The following NR3C2 variants were observed in gnomAD, a reference collection of about 807,000 sequenced individuals.
NR3C2 encodes mineralocorticoid receptor.
In NR3C2, 15 loss-of-function variants were observed where a neutral mutation model predicts 86.4. That is an observed-to-expected ratio of 0.17 (90% confidence interval 0.12 to 0.27). The LOEUF is 0.27. NR3C2 is among the 10% of genes least tolerant of loss of function. NR3C2 has a pLI of 1.00. For missense variants in NR3C2, 960 were observed against 1,195.6 expected, an observed-to-expected ratio of 0.80 and a Z score of 2.91; for synonymous variants, 458 against 450.5, an observed-to-expected ratio of 1.02 and a Z score of -0.21.
intron 2 of NR3C2, among the ~76,000 whole-genome samples, chr4:148,300,863 C>T (rs552010841): frequency 2.0e-4 from 31 of 152,272 alleles, no homozygotes; most frequent in East Asian, 9.7e-4. Flanking sequence ...TGAGCCACCG[C>T]GCCCGACCTT....
At chr4:148,190,014 ATTGT>A (rs768220946) in intron 4 of NR3C2, among the ~76,000 whole-genome samples, 19 of 151,582 alleles carry the variant, frequency 1.3e-4, no homozygotes, top group Non-Finnish European at 2.4e-4. Context: ...TATCTTTTGT[ATTGT>A]TTGTTTGTTT....
chr4:148,107,447 A>G (rs1433068297), intron 8 of NR3C2, among the ~76,000 whole-genome samples: 4 of 152,222 alleles, frequency 2.6e-5, no homozygotes, highest in African/African-American at 7.2e-5. Flanking sequence ...GTGATTCCTC[A>G]AGAATCTAGA....
At chr4:148,247,433 T>G (rs916057121) in intron 3 of NR3C2, among the ~76,000 whole-genome samples, 6 of 152,186 alleles carry the variant, frequency 3.9e-5, no homozygotes, top group Non-Finnish European at 8.8e-5. Flanking sequence ...TGGGCAACTT[T>G]GTAAAATGGG....
chr4:148,384,001 G>A (rs1327108214), intron 2 of NR3C2, among the ~76,000 whole-genome samples: 2 of 148,040 alleles, frequency 1.4e-5, no homozygotes, highest in Admixed American at 6.7e-5. Flanking sequence ...GCAGCAATAA[G>A]GAACTACACA....
chr4:148,253,093 C>T (rs1739653284), intron 3 of NR3C2, among the ~76,000 whole-genome samples: 1 of 152,174 alleles, frequency 6.6e-6, no homozygotes, highest in Non-Finnish European at 1.5e-5. Flanking sequence ...TAAATTACTT[C>T]AACATATTTT....
chr4:148,085,123 T>C (rs965117444), intron 8 of NR3C2, among the ~76,000 whole-genome samples: 3 of 152,156 alleles, frequency 2.0e-5, no homozygotes, highest in African/African-American at 7.2e-5. Context: ...TATTCAGGAC[T>C]TGAACTCAGC....
At chr4:148,094,855 A>C (rs759590823) in intron 8 of NR3C2, among the ~76,000 whole-genome samples, 1 of 152,166 alleles carries the variant, frequency 6.6e-6, no homozygotes, top group Non-Finnish European at 1.5e-5. Flanking sequence ...ACAGAGAGCT[A>C]TTATTCAGCC....
intron 3 of NR3C2, among the ~76,000 whole-genome samples, chr4:148,239,827 G>A (rs1292860473): frequency 2.0e-5 from 3 of 152,166 alleles, no homozygotes; most frequent in African/African-American, 7.2e-5. Flanking sequence ...CCTTTTCGAA[G>A]TTTTTGTGGA....
chr4:148,367,490 G>A (rs1361267723), intron 2 of NR3C2, among the ~76,000 whole-genome samples: 2 of 152,010 alleles, frequency 1.3e-5, no homozygotes, highest in African/African-American at 2.4e-5. Flanking sequence ...GGTTGAATAC[G>A]AACAATGTTA....
chr4:148,262,938 G>A (rs1168411192), intron 2 of NR3C2, among the ~76,000 whole-genome samples: 2 of 152,080 alleles, frequency 1.3e-5, no homozygotes, highest in Non-Finnish European at 2.9e-5. Context: ...CACTCCTCCA[G>A]CACCATCTAC....
chr4:148,094,601 G>C (rs894094334), intron 8 of NR3C2, among the ~76,000 whole-genome samples: 11 of 152,024 alleles, frequency 7.2e-5, no homozygotes, highest in Admixed American at 1.3e-4. Context: ...TGTAATCCCA[G>C]TTACTCGGGA....
chr4:148,134,641 C>CTTTT (rs1379133428), intron 6 of NR3C2, among the ~76,000 whole-genome samples: 929 of 60,862 alleles, frequency 0.015, 112 homozygotes, highest in African/African-American at 0.053. Context: ...CTCTCTCTCT[C>CTTTT]TCTTTTTTTT....
intron 2 of NR3C2, among the ~76,000 whole-genome samples, chr4:148,306,957 A>G (rs1742657783): frequency 6.6e-6 from 1 of 152,202 alleles, no homozygotes; most frequent in Non-Finnish European, 1.5e-5. Flanking sequence ...CAGCTTTATA[A>G]ATAACACTTA....
intron 2 of NR3C2, among the ~76,000 whole-genome samples, chr4:148,348,308 C>T (rs1473156229): frequency 6.6e-6 from 1 of 152,108 alleles, no homozygotes; most frequent in Non-Finnish European, 1.5e-5. Flanking sequence ...CAGCACTTAC[C>T]ATGGTGGTAA....
intron 3 of NR3C2, among the ~76,000 whole-genome samples, chr4:148,231,688 G>T (rs1463703317): frequency 6.6e-6 from 1 of 152,054 alleles, no homozygotes; most frequent in Non-Finnish European, 1.5e-5. Context: ...CAACAATGAA[G>T]TTTGCTGCAA....
At chr4:148,423,201 T>A (rs1027949058) in intron 2 of NR3C2, among the ~76,000 whole-genome samples, 5 of 147,708 alleles carry the variant, frequency 3.4e-5, no homozygotes, top group Admixed American at 7.0e-5. Flanking sequence ...TTAACCTTTC[T>A]ACCCCCTTTT....
chr4:148,387,016 C>G (rs1397609219), intron 2 of NR3C2, among the ~76,000 whole-genome samples: 2 of 152,212 alleles, frequency 1.3e-5, no homozygotes, highest in African/African-American at 4.8e-5. Context: ...AGCAACATTT[C>G]TCAGCTGAGA....
At chr4:148,120,540 T>C (rs1732466385) in intron 6 of NR3C2, among the ~76,000 whole-genome samples, 2 of 152,240 alleles carry the variant, frequency 1.3e-5, no homozygotes, top group Non-Finnish European at 2.9e-5. Context: ...CCAACCCTTT[T>C]AAAGTATGCC....
chr4:148,378,121 T>G (rs1366772440), intron 2 of NR3C2, among the ~76,000 whole-genome samples: 2 of 152,178 alleles, frequency 1.3e-5, no homozygotes, highest in African/African-American at 4.8e-5. Context: ...TCAATGAGTA[T>G]GAACCAGGAA....
Sources: allele counts gnomAD v4.1 joint callset (sites outside exome capture counted in the v4.1 genomes callset), GRCh38; gene constraint gnomAD v4.1.1; transcripts MANE v1.5; gene names NCBI Gene and HGNC (gene_info 2026-07-23, HGNC 2026-07-21).